BMP6: variants seen among roughly 807,000 people sequenced by gnomAD.
BMP6 encodes the protein VG-1-R.
A neutral mutation model predicts 54.1 loss-of-function variants in BMP6; 17 were observed. The observed-to-expected ratio is 0.31, with a 90% CI of 0.22 to 0.47. BMP6 has a LOEUF of 0.47. Among genes scored for constraint, BMP6 ranks in the 20% least tolerant of loss-of-function variants. The pLI is 1.00. For missense variants in BMP6, 720 were observed against 690.4 expected, an observed-to-expected ratio of 1.04 and a Z score of -0.48; for synonymous variants, 328 against 291.2, an observed-to-expected ratio of 1.13 and a Z score of -1.28.
At position 7,843,277 on chromosome 6, in the gene BMP6, AAAAG is replaced by A. The variant is rs540566286; in HGVS notation, c.665-1860_665-1857del. Among the ~76,000 whole-genome samples the A allele has an allele frequency of 4.6e-3, 701 of 152,096 alleles. 7 individuals carry two copies. Among genetic ancestry groups the A allele is most frequent in the African/African-American group, 0.016 (661 of 41,512 alleles). On this transcript the variant is annotated intron_variant, in intron 1 of 6. Coordinates refer to ENST00000283147, the MANE Select transcript of BMP6 (RefSeq NM_001718.6). ...TTTTTAACCCTCAAAATAAAAAAAA[AAAAG>A]AACTCGAATCTAAAAAATGTGTTGT...
At chr6:7,800,949 G>A (rs1758261053) in intron 1 of BMP6, among the ~76,000 whole-genome samples, 1 of 151,374 alleles carries the variant, frequency 6.6e-6, no homozygotes, top group Non-Finnish European at 1.5e-5. Context: ...GCTCCAGTCA[G>A]TCAAGTTGGT....
chr6:7,786,757 G>A (rs1213965996), intron 1 of BMP6, among the ~76,000 whole-genome samples: 5 of 152,106 alleles, frequency 3.3e-5, no homozygotes, highest in African/African-American at 7.2e-5. Flanking sequence ...GACTTATAAT[G>A]TATGTCTCCC....
intron 1 of BMP6, among the ~76,000 whole-genome samples, chr6:7,802,379 C>T (rs1049317531): frequency 1.3e-5 from 2 of 152,224 alleles, no homozygotes; most frequent in African/African-American, 4.8e-5. Flanking sequence ...TCCCTCACCT[C>T]TCCCTTGAGG....
rs70982115 is a variant in BMP6 at position 7,856,595 on chromosome 6, A to ATTTTTTTTTTTTT, written c.858-4849_858-4837dup. On this transcript the variant is annotated intron_variant, in intron 2 of 6. Coordinates refer to ENST00000283147, the MANE Select transcript of BMP6 (RefSeq NM_001718.6). ...ATATAAATGCCAGTTTATCAAGAGC[A>ATTTTTTTTTTTTT]TTTTTTTTTTTTTTTTTTTGAGACG... Among the ~76,000 whole-genome samples, 116 of 82,942 alleles carry ATTTTTTTTTTTTT rather than the reference A, an allele frequency of 1.4e-3. 4 individuals are homozygous for ATTTTTTTTTTTTT. The highest frequency in any genetic ancestry group is 1.6e-3 in the Non-Finnish European group (73 of 45,730). The allele number at this position is 82,942 out of a possible 152,430, so 54.4% of individuals were successfully genotyped here. A position where few individuals can be genotyped will look rare whatever the true frequency, so the allele number is the denominator to read the frequency against.
intron 1 of BMP6, among the ~76,000 whole-genome samples, chr6:7,764,188 A>C (rs187125941): frequency 4.0e-3 from 606 of 152,300 alleles, no homozygotes; most frequent in Non-Finnish European, 6.5e-3. Context: ...TGGAGCATGG[A>C]GAATGATGAG....
chr6:7,764,027 G>T (rs924168490), intron 1 of BMP6, among the ~76,000 whole-genome samples: 1 of 152,170 alleles, frequency 6.6e-6, no homozygotes, highest in Admixed American at 6.5e-5. Context: ...TTCAGAAATG[G>T]TGAAAAAACA....
intron 1 of BMP6, among the ~76,000 whole-genome samples, chr6:7,782,484 G>T (rs921385173): frequency 3.3e-5 from 5 of 152,166 alleles, no homozygotes; most frequent in African/African-American, 1.2e-4. Context: ...GCTGAGGCGG[G>T]CAGATTACCT....
chr6:7,772,222 CAG>C (rs1187050393), intron 1 of BMP6, among the ~76,000 whole-genome samples: 1 of 152,190 alleles, frequency 6.6e-6, no homozygotes, highest in African/African-American at 2.4e-5. Context: ...CCTAAGCCAA[CAG>C]AGTGGCCTCC....
chr6:7,730,525 G>A (rs1761834536), intron 1 of BMP6, among the ~76,000 whole-genome samples: 1 of 152,158 alleles, frequency 6.6e-6, no homozygotes. Context: ...AAAACCTTTT[G>A]CGGGTAAGTA....
Position 7,727,018 on chromosome 6 carries a change from C to T in BMP6, c.63C>T (p.Cys21=), listed in dbSNP as rs930813516. 4.4e-6 allele frequency: 5 copies of T among 1,123,644 alleles called. No individual in the cohort carries two copies. Among genetic ancestry groups the T allele is most frequent in the Non-Finnish European group, 5.4e-6 (5 of 920,286 alleles). The allele number at this position is 1,123,644 out of a possible 1,614,324, so 69.6% of individuals were successfully genotyped here. Residue 21 remains cysteine, a synonymous_variant, in exon 1 of 7, where the codon TGC becomes TGT. Coordinates refer to ENST00000283147, the MANE Select transcript of BMP6 (RefSeq NM_001718.6). ...GGTGGTGGGGGCTGCTGTGCAGCTG[C>T]TGCGGGCCCCCGCCGCTGCGGCCGC... ...LCWWWGLLCS[C]CGPPPLRPPL...
chr6:7,748,598 T>C (rs1757379524), intron 1 of BMP6, among the ~76,000 whole-genome samples: 2 of 152,158 alleles, frequency 1.3e-5, no homozygotes, highest in South Asian at 4.1e-4. Context: ...AGTAGAACCC[T>C]TGGGGGCTAT....
At chr6:7,809,094 G>T (rs780723550) in intron 1 of BMP6, among the ~76,000 whole-genome samples, 1 of 144,150 alleles carries the variant, frequency 6.9e-6, no homozygotes, top group African/African-American at 2.7e-5. Context: ...TCCAATGGGC[G>T]TATAGTACCC....
intron 1 of BMP6, among the ~76,000 whole-genome samples, chr6:7,788,709 G>C (rs568082521): frequency 6.6e-6 from 1 of 152,290 alleles, no homozygotes; most frequent in African/African-American, 2.4e-5. Context: ...ATCAGAAGGA[G>C]TGACTTTGTT....
At chr6:7,747,058 G>A (rs1757359022) in intron 1 of BMP6, among the ~76,000 whole-genome samples, 1 of 152,138 alleles carries the variant, frequency 6.6e-6, no homozygotes, top group African/African-American at 2.4e-5. Context: ...ATAAGGCCTG[G>A]CTCTTAAGAA....
At chr6:7,879,284 GC>G in intron 5 of BMP6, 134 bp downstream of exon 5, 1 of 937,140 alleles carries the variant, frequency 1.1e-6, no homozygotes. Flanking sequence ...GTCCTGAGGA[GC>G]CCTCCCAAAT....
chr6:7,823,726 A>C (rs1057460190), intron 1 of BMP6, among the ~76,000 whole-genome samples: 3 of 152,158 alleles, frequency 2.0e-5, no homozygotes, highest in African/African-American at 7.2e-5. Flanking sequence ...ATCTGCACTG[A>C]GGAAATAGCA....
At chr6:7,768,494 C>G (rs1343427095) in intron 1 of BMP6, among the ~76,000 whole-genome samples, 5 of 152,166 alleles carry the variant, frequency 3.3e-5, no homozygotes, top group Non-Finnish European at 7.3e-5. Context: ...GGGTTCTGGT[C>G]TCTTTGCTTC....
intron 1 of BMP6, among the ~76,000 whole-genome samples, chr6:7,738,053 T>C (rs1369960185): frequency 6.6e-6 from 1 of 152,192 alleles, no homozygotes; most frequent in East Asian, 1.9e-4. Context: ...GAAACTGTAT[T>C]GGCTAGATCA....
intron 1 of BMP6, among the ~76,000 whole-genome samples, chr6:7,810,338 C>T (rs911083951): frequency 2.0e-5 from 3 of 152,204 alleles, no homozygotes; most frequent in African/African-American, 7.2e-5. Context: ...GAGAAGACAT[C>T]AGTTCAATAT....
Sources: gnomAD v4.1 joint callset for allele counts (sites outside exome capture counted in the v4.1 genomes callset) on GRCh38, gnomAD v4.1.1 for gene constraint, MANE v1.5 for transcripts, NCBI Gene and HGNC (gene_info 2026-07-23, HGNC 2026-07-21) for gene names.